HDAC9: variants seen among roughly 807,000 people sequenced by gnomAD.
HDAC9 encodes the protein histone deacetylase 9, also known as MEF-2 interacting transcription repressor (MITR) protein.
A neutral mutation model predicts 139.4 loss-of-function variants in HDAC9; 41 were observed. That is an observed-to-expected ratio of 0.29 (90% CI 0.23 to 0.38). The LOEUF (loss-of-function observed/expected upper bound fraction) is 0.38. HDAC9 is among the 10% of genes least tolerant of loss of function. HDAC9 has a pLI of 1.00. For missense variants in HDAC9, 1,147 were observed against 1,297.0 expected (o/e 0.88, Z 1.78); for synonymous variants, 517 against 476.2 (o/e 1.09, Z -1.12).
At chr7:18,932,823 A>AGAAG (rs1299694381) in intron 22 of HDAC9, among the ~76,000 whole-genome samples, 12 of 130,770 alleles carry the variant, frequency 9.2e-5, no homozygotes, top group African/African-American at 2.9e-4. Flanking sequence ...ATAGAAAGAA[A>AGAAG]GAAGGAAGGA....
At chr7:18,840,846 A>T (rs1029369207) in intron 21 of HDAC9, among the ~76,000 whole-genome samples, 2 of 152,136 alleles carry the variant, frequency 1.3e-5, no homozygotes, top group African/African-American at 2.4e-5. Flanking sequence ...TCAAAGTGGC[A>T]ATTCTGTTCC....
rs1422767293 is a variant in HDAC9, at chr7:18,977,919, G to GACAGACAC, written c.3170+1969_3170+1970insGACACACA. On this transcript the variant is annotated intron_variant, in intron 25 of 25. Transcript: ENST00000686413. ...GAATTTCCTCAGAGACAGACAGACA[G>GACAGACAC]ACACACACACACACACACACACACA... is the stretch of plus-strand genomic sequence containing the variant. Among the ~76,000 whole-genome samples, 58 of 141,034 alleles carry GACAGACAC rather than the reference G, an allele frequency of 4.1e-4. 1 individual carries two copies. Among genetic ancestry groups the GACAGACAC allele is most frequent in the African/African-American group, 1.2e-3 (45 of 36,984 alleles). The allele number at this position is 141,034 out of a possible 152,430, so 92.5% of individuals were successfully genotyped here.
intron 12 of HDAC9, among the ~76,000 whole-genome samples, chr7:18,710,266 G>A (rs1784249192): frequency 6.6e-6 from 1 of 152,198 alleles, no homozygotes; most frequent in African/African-American, 2.4e-5. Context: ...AATTCAAGGT[G>A]AGATTTGGGT....
intron 2 of HDAC9, among the ~76,000 whole-genome samples, chr7:18,549,565 A>G (rs909153466): frequency 6.6e-6 from 1 of 152,166 alleles, no homozygotes; most frequent in Non-Finnish European, 1.5e-5. Flanking sequence ...AACAGTTTAC[A>G]TATGGTATGC....
chr7:18,859,858 A>ATG (rs1562997176), intron 21 of HDAC9, among the ~76,000 whole-genome samples: 1 of 110,308 alleles, frequency 9.1e-6, no homozygotes, highest in Non-Finnish European at 1.9e-5. Flanking sequence ...ATATATATAT[A>ATG]TGTGAGAGAA....
rs532175536 is a variant in HDAC9, at chr7:18,928,608, T to G, written c.2804-7201T>G. ...CTTAAATATCTAAAAACAGAATTGC[T>G]TGGTGCATGGGTACATTTTAAATGA... On this transcript the variant is annotated intron_variant, in intron 22 of 25. Coordinates refer to ENST00000686413, the MANE Select transcript of HDAC9 (RefSeq NM_178425.4). 2.0e-5 allele frequency among the ~76,000 whole-genome samples: 3 copies of G among 152,192 alleles called. No individual in the cohort carries two copies. The South Asian group carries it at 6.2e-4, about 32-fold the overall frequency.
At chr7:18,498,662 G>C (rs774566816) in intron 2 of HDAC9, among the ~76,000 whole-genome samples, 1 of 152,042 alleles carries the variant, frequency 6.6e-6, no homozygotes, top group Non-Finnish European at 1.5e-5. Context: ...GGAGTGGAGA[G>C]AGCACTGTTC....
At chr7:18,518,258 C>A (rs967213656) in intron 2 of HDAC9, among the ~76,000 whole-genome samples, 4 of 152,106 alleles carry the variant, frequency 2.6e-5, no homozygotes, top group Non-Finnish European at 4.4e-5. Flanking sequence ...CTATACGAAT[C>A]AAAATCAAGA....
intron 1 of HDAC9, among the ~76,000 whole-genome samples, chr7:18,438,647 T>TGC (rs1258969344): frequency 4.3e-4 from 1 of 2,308 alleles, no homozygotes; most frequent in African/African-American, 9.7e-4. Flanking sequence ...TGTGTGTGCG[T>TGC]GTGTGTGTGT....
intron 2 of HDAC9, among the ~76,000 whole-genome samples, chr7:18,582,323 T>A (rs1828070796): frequency 6.6e-6 from 1 of 152,240 alleles, no homozygotes; most frequent in African/African-American, 2.4e-5. Flanking sequence ...AGCCATCTTC[T>A]GTTCTCTACA....
intron 25 of HDAC9, among the ~76,000 whole-genome samples, chr7:18,979,547 C>T (rs1437217966): frequency 2.0e-5 from 3 of 152,038 alleles, no homozygotes; most frequent in Admixed American, 6.5e-5. Context: ...TAAGTATGTG[C>T]GTTAGGCTGT....
At chr7:18,681,557 T>C (rs1781890640) in intron 12 of HDAC9, among the ~76,000 whole-genome samples, 1 of 152,060 alleles carries the variant, frequency 6.6e-6, no homozygotes, top group South Asian at 2.1e-4. Context: ...TAAGGACTTC[T>C]GCCTAAATTT....
At chr7:18,206,408 G>A (rs1791516020) in intron 2 of HDAC9, among the ~76,000 whole-genome samples, 1 of 152,082 alleles carries the variant, frequency 6.6e-6, no homozygotes, top group South Asian at 2.1e-4. Flanking sequence ...TTAAAAATAT[G>A]TTTGTATTTA....
At chr7:18,708,009 T>A (rs190597362) in intron 12 of HDAC9, among the ~76,000 whole-genome samples, 1 of 152,142 alleles carries the variant, frequency 6.6e-6, no homozygotes, top group African/African-American at 2.4e-5. Context: ...ATGGAGCACA[T>A]CCCTAAGGGA....
intron 24 of HDAC9, 97 bp downstream of exon 24, chr7:18,954,327 T>C: frequency 1.1e-6 from 1 of 941,752 alleles, no homozygotes; most frequent in East Asian, 2.6e-5. Flanking sequence ...TTTAGAGTTA[T>C]CATAATTTGC....
intron 2 of HDAC9, among the ~76,000 whole-genome samples, chr7:18,190,499 A>G (rs993252615): frequency 1.3e-5 from 2 of 152,214 alleles, no homozygotes; most frequent in Non-Finnish European, 2.9e-5. Context: ...TGATAAACCC[A>G]TTATAAGTCA....
intron 17 of HDAC9, among the ~76,000 whole-genome samples, chr7:18,819,369 T>G (rs1489113165): frequency 6.6e-6 from 1 of 152,212 alleles, no homozygotes; most frequent in African/African-American, 2.4e-5. Context: ...GCCTGCCCTT[T>G]ATTTGCCTAG....
At chr7:18,834,623 A>C (rs1169886097) in intron 19 of HDAC9, among the ~76,000 whole-genome samples, 1 of 152,092 alleles carries the variant, frequency 6.6e-6, no homozygotes, top group African/African-American at 2.4e-5. Context: ...TATGATATTA[A>C]AATTAGGCAG....
intron 1 of HDAC9, among the ~76,000 whole-genome samples, chr7:18,153,318 A>C (rs1528677): frequency 0.16 from 24,237 of 151,714 alleles, 3,517 homozygotes; most frequent in African/African-American, 0.39. Context: ...TGGCCTGAGC[A>C]TAGGGGCTCA....
Sources: allele counts gnomAD v4.1 joint callset (sites outside exome capture counted in the v4.1 genomes callset), GRCh38; gene constraint gnomAD v4.1.1; transcripts MANE v1.5; gene names NCBI Gene and HGNC (gene_info 2026-07-23, HGNC 2026-07-21).